A2ML1: variants seen among roughly 807,000 people sequenced by gnomAD.
A2ML1 encodes alpha-2-macroglobulin like 1.
A neutral mutation model predicts 181.9 loss-of-function variants in A2ML1; 161 were observed. The observed-to-expected ratio is 0.89, with a 90% CI of 0.78 to 1.01. A2ML1 has a LOEUF of 1.01. Among genes scored for constraint, A2ML1 ranks in the 50% least tolerant of loss-of-function variants. The pLI is 0.00. For synonymous variants in A2ML1, 663 were observed against 666.8 expected, an observed-to-expected ratio of 0.99 and a Z score of 0.09; for missense variants, 1,670 against 1,768.1, an observed-to-expected ratio of 0.94 and a Z score of 1.00.
intron 29 of A2ML1, among the ~76,000 whole-genome samples, chr12:8,866,177 C>T (rs1219132958): frequency 4.0e-5 from 6 of 151,716 alleles, no homozygotes; most frequent in African/African-American, 7.3e-5. Context: ...CAGTGGTGGG[C>T]GCCTGTAGTC....
At position 8,868,233 on chromosome 12, in the gene A2ML1, G is replaced by A. The variant is rs369047089; in HGVS notation, c.3937G>A (p.Val1313Met). Reference protein sequence around the residue: ...SGQGCVYVQTVLRYNILPPTN... With the variant: ...SGQGCVYVQTMLRYNILPPTN... ...GCTACCTATTTCTTCCTACCAGACG[G>A]TGTTGAGATACAATATTCTCCCTCC... The change falls in exon 31 of 36, where the codon GTG becomes ATG. Residue 1313 changes from valine to methionine, a missense_variant. Val to Met is a conservative substitution (Grantham distance 21). Transcript: ENST00000299698. 7 of 1,613,954 alleles carry A rather than the reference G, an allele frequency of 4.3e-6. No individual in the cohort carries two copies. In the African/African-American group the frequency reaches 9.3e-5, roughly 22 times the overall value.
intron 10 of A2ML1, among the ~76,000 whole-genome samples, chr12:8,840,705 C>T (rs939015824): frequency 2.6e-5 from 4 of 151,754 alleles, no homozygotes; most frequent in Non-Finnish European, 4.4e-5. Flanking sequence ...GTCAGGAGTT[C>T]GAAACCAGCC....
chr12:8,860,073 C>T (rs1844243438), intron 26 of A2ML1, among the ~76,000 whole-genome samples: 1 of 152,142 alleles, frequency 6.6e-6, no homozygotes. Flanking sequence ...CAGGGTCTCA[C>T]TCTGTCACCC....
intron 28 of A2ML1, among the ~76,000 whole-genome samples, chr12:8,863,226 C>T (rs1160864522): frequency 6.6e-6 from 1 of 152,120 alleles, no homozygotes; most frequent in Non-Finnish European, 1.5e-5. Context: ...CCTGCCTCAG[C>T]CTCCCAAGTA....
In A2ML1 at chr12:8,846,235, C is replaced by T; in HGVS notation, c.1683+13C>T. The stretch of plus-strand genomic sequence containing the variant: ...CTTTGACAATCAGGTAAAATGATAG[C>T]GGAGAAGGGTGAAGATAAAAGTTGG... On this transcript the variant is annotated intron_variant, in intron 14 of 35. Transcript: ENST00000299698. The T allele has an allele frequency of 3.1e-6, 5 of 1,613,212 alleles. No homozygotes were observed. In the South Asian group the frequency reaches 3.3e-5, roughly 11 times the overall value.
At chr12:8,855,809 G>C (rs1314568093) in intron 23 of A2ML1, among the ~76,000 whole-genome samples, 1 of 152,138 alleles carries the variant, frequency 6.6e-6, no homozygotes, top group Non-Finnish European at 1.5e-5. Flanking sequence ...AGAGAGTCAG[G>C]GTAGGAAGAA....
chr12:8,853,996 G>C, intron 20 of A2ML1, 132 bp from the exon 21 acceptor site: 1 of 1,219,558 alleles, frequency 8.2e-7, no homozygotes, highest in Non-Finnish European at 1.1e-6. Context: ...CCCCACCCCA[G>C]GTCTATGGCA....
Position 8,837,455 on chromosome 12 carries a change from G to A in A2ML1, c.744G>A (p.Lys248=). The part of the protein sequence containing the change: ...VKICCRYTYG[K]PMLGAVQVSV... ...TCTTGGTTAGGTACACCTATGGAAA[G>A]CCCATGCTAGGGGCAGTGCAGGTAT... The change falls in exon 8 of 36, where the codon AAG becomes AAA. Residue 248 remains lysine (K), a synonymous_variant. Coordinates refer to ENST00000299698, the MANE Select transcript of A2ML1 (RefSeq NM_144670.6). 4 of 1,614,058 alleles carry A rather than the reference G, an allele frequency of 2.5e-6. No individual in the cohort carries two copies. The highest frequency in any genetic ancestry group is 3.4e-6 in the Non-Finnish European group (4 of 1,179,940).
intron 4 of A2ML1, among the ~76,000 whole-genome samples, chr12:8,830,204 A>G (rs1444974293): frequency 1.3e-5 from 2 of 152,078 alleles, no homozygotes; most frequent in African/African-American, 4.8e-5. Context: ...GGCGCGCACC[A>G]TCACGCCTGG....
chr12:8,871,420 T>C (rs1944617434), intron 33 of A2ML1, among the ~76,000 whole-genome samples: 1 of 152,198 alleles, frequency 6.6e-6, no homozygotes, highest in Non-Finnish European at 1.5e-5. Flanking sequence ...CTGCTTGATT[T>C]AACAATTTCT....
chr12:8,829,877 G>A (rs2136730071), intron 4 of A2ML1, 98 bp downstream of exon 4: 1 of 1,496,308 alleles, frequency 6.7e-7, no homozygotes, highest in Non-Finnish European at 9.3e-7. Context: ...GCGTGGCAAG[G>A]CGAGGCCCTC....
In A2ML1 at chr12:8,846,123, G is replaced by A; in HGVS notation, c.1584G>A (p.Leu528=). 6.2e-7 allele frequency: 1 copy of A among 1,614,154 alleles called. No homozygotes were observed. The highest frequency in any genetic ancestry group is 1.1e-5 in the South Asian group (1 of 91,084). ...TCTCACTGACCTTCACTTCGAGACT[G>A]GCCCCTGATCCTTCCCTGGTGATCT... ...FSLSLTFTSR[L]APDPSLVIYA... is the part of the protein sequence containing the mutation. Residue 528 remains leucine, a synonymous_variant, in exon 14 of 36, where the codon CTG becomes CTA. Coordinates refer to ENST00000299698, the MANE Select transcript of A2ML1 (RefSeq NM_144670.6).
rs769131597 is a variant in A2ML1 at position 8,843,202 on chromosome 12, C to T, written c.1317C>T (p.Tyr439=). ...TGCCACGTTACTACCAAAATGCCTA[C>T]CTGCACCTGCGACCCTTCTACAGCA... is the stretch of plus-strand genomic sequence containing the variant. ...EQVPRYYQNA[Y]LHLRPFYSTT... is the part of the protein sequence containing the mutation. The change falls in exon 12 of 36, where the codon TAC becomes TAT. Residue 439 remains tyrosine (Y), a synonymous_variant. Coordinates refer to ENST00000299698, the MANE Select transcript of A2ML1 (RefSeq NM_144670.6). 1.2e-6 allele frequency: 2 copies of T among 1,614,204 alleles called. No individual in the cohort carries two copies. The highest frequency in any genetic ancestry group is 1.7e-5 in the Admixed American group (1 of 60,030).
At chr12:8,878,243 C>CAATGA (rs1400141554), downstream of A2ML1, among the ~76,000 whole-genome samples, 1 of 152,080 alleles carries the variant, frequency 6.6e-6, no homozygotes, top group Non-Finnish European at 1.5e-5. This position sits in a 1 kb window ranked among gnomAD's most constrained non-coding sequence, Gnocchi z 4.4. Flanking sequence ...GTGGAGGTTG[C>CAATGA]AATGAGCCGA....
chr12:8,884,251 T>G (rs55651011), intron 7 of A2ML1, among the ~76,000 whole-genome samples: 2,121 of 151,210 alleles, frequency 0.014, 74 homozygotes, highest in African/African-American at 0.048. Context: ...GTTTTGTTTT[T>G]TTTTAACTAT....
At chr12:8,836,219 C>CT (rs1200925547) in intron 6 of A2ML1, 36 bp from the exon 7 acceptor site, 1 of 1,572,872 alleles carries the variant, frequency 6.4e-7, no homozygotes, top group Non-Finnish European at 8.8e-7. Flanking sequence ...ATTCCTCCTC[C>CT]AGTGCTTTCT....
intron 33 of A2ML1, among the ~76,000 whole-genome samples, chr12:8,870,974 T>G (rs1752565545): frequency 6.6e-6 from 1 of 152,246 alleles, no homozygotes; most frequent in Non-Finnish European, 1.5e-5. Context: ...CCTTGTGTTC[T>G]TGATCAATTT....
chr12:8,837,661 C>T, intron 8 of A2ML1, 95 bp downstream of exon 8: 13 of 1,371,006 alleles, frequency 9.5e-6, no homozygotes, highest in Non-Finnish European at 1.3e-5. Context: ...ATGGGCGGAT[C>T]ACGAGGTCAG....
chr12:8,823,535 C>T (rs1338635516), intron 2 of A2ML1, 170 bp downstream of exon 2: 22 of 1,079,558 alleles, frequency 2.0e-5, no homozygotes, highest in East Asian at 4.8e-5. Flanking sequence ...ACGGTTTCCT[C>T]GACCTAGGAT....
Sources: allele counts gnomAD v4.1 joint callset (sites outside exome capture counted in the v4.1 genomes callset), GRCh38; gene constraint gnomAD v4.1.1; non-coding constraint Gnocchi (gnomAD v3.1); transcripts MANE v1.5; gene names NCBI Gene and HGNC (gene_info 2026-07-23, HGNC 2026-07-21).